The following PKP2 variants were observed in gnomAD, a reference collection of about 807,000 sequenced individuals.
The protein encoded by PKP2 is plakophilin 2.
PKP2 carries 73 observed loss-of-function variants against 83.4 expected under a neutral mutation model. The observed-to-expected ratio is 0.88, with a 90% CI of 0.72 to 1.06. PKP2 has a LOEUF of 1.06. PKP2 is among the 50% of genes least tolerant of loss of function. The pLI, the probability that PKP2 is intolerant of heterozygous loss-of-function variation, is 0.00. For synonymous variants in PKP2, 409 were observed against 430.4 expected, an observed-to-expected ratio of 0.95 and a Z score of 0.62; for missense variants, 966 against 1,065.4, an observed-to-expected ratio of 0.91 and a Z score of 1.30.
At chr12:32,798,705 G>A (rs1456298768) in intron 10 of PKP2, among the ~76,000 whole-genome samples, 1 of 152,086 alleles carries the variant, frequency 6.6e-6, no homozygotes, top group South Asian at 2.1e-4. Flanking sequence ...GGGATAATTG[G>A]CAAGCCACAT....
At chr12:32,808,724 ATGT>A (rs774163643) in intron 9 of PKP2, among the ~76,000 whole-genome samples, 11 of 151,710 alleles carry the variant, frequency 7.3e-5, no homozygotes, top group South Asian at 4.2e-4. Context: ...TTTTTTGTTG[ATGT>A]TGTTGTTGTT....
intron 3 of PKP2, among the ~76,000 whole-genome samples, chr12:32,872,227 G>A (rs1956901298): frequency 6.6e-6 from 1 of 152,026 alleles, no homozygotes; most frequent in African/African-American, 2.4e-5. Flanking sequence ...ACATTACAGG[G>A]GGAGAAAAAA....
At position 32,812,174 on chromosome 12, in the gene PKP2, T is replaced by C. The variant is rs184623310; in HGVS notation, c.2013+9182A>G. Among the ~76,000 whole-genome samples the C allele has an allele frequency of 1.3e-3, 192 of 151,390 alleles. 1 individual carries two copies. The highest frequency in any genetic ancestry group is 2.0e-3 in the Non-Finnish European group (133 of 67,868). The stretch of plus-strand genomic sequence containing the variant: ...GTAAACTGTGTATTGTGTGCCTGCG[T>C]TTTGACTGTGACTCGTCACATAAGG... On this transcript the variant is annotated intron_variant, in intron 9 of 12. Transcript: ENST00000340811.
chr12:32,826,690 C>T (rs1956445402), intron 6 of PKP2, among the ~76,000 whole-genome samples: 1 of 151,986 alleles, frequency 6.6e-6, no homozygotes, highest in Non-Finnish European at 1.5e-5. Flanking sequence ...TTTTACTTAG[C>T]TTTTTTCAAA....
intron 10 of PKP2, among the ~76,000 whole-genome samples, chr12:32,797,445 C>CAA (rs548021913): frequency 8.9e-5 from 6 of 67,182 alleles, no homozygotes; most frequent in African/African-American, 9.7e-5. Context: ...GACCCTGTCT[C>CAA]AAAAAAAAAA....
chr12:32,880,403 A>C (rs1450332917), intron 1 of PKP2, among the ~76,000 whole-genome samples: 4 of 152,204 alleles, frequency 2.6e-5, no homozygotes, highest in Non-Finnish European at 4.4e-5. Flanking sequence ...CCTGTCTCAA[A>C]AAAACAAAAA....
chr12:32,813,383 C>T (rs1451687027), intron 9 of PKP2, among the ~76,000 whole-genome samples: 2 of 152,144 alleles, frequency 1.3e-5, no homozygotes, highest in Non-Finnish European at 2.9e-5. Context: ...TAATGCTAAT[C>T]AACTTACTTT....
At chr12:32,822,694 A>C in intron 7 of PKP2, 63 bp from the exon 8 acceptor site, 1 of 1,546,440 alleles carries the variant, frequency 6.5e-7, no homozygotes, top group South Asian at 1.1e-5. Context: ...GTGTGATATC[A>C]CAGGACACAG....
rs751629644 is a variant in PKP2, at chr12:32,896,601, C to G, written c.131G>C (p.Ser44Thr). 1.3e-6 allele frequency: 2 copies of G among 1,585,330 alleles called. No homozygotes were observed. Among genetic ancestry groups the G allele is most frequent in the African/African-American group, 1.3e-5 (1 of 74,076 alleles). The change falls in exon 1 of 13, where the codon AGC becomes ACC. Residue 44 changes from serine (S) to threonine (T), a missense_variant. Ser to Thr is a moderately conservative substitution (Grantham distance 58, BLOSUM62 1). Transcript: ENST00000340811. ...CTTGACTGTCTGGCCGCCGCGGCCGCTGCTCCCCGCCAGCTTCAGCTTGGC... is the reference window on the plus strand; with the variant it reads ...CTTGACTGTCTGGCCGCCGCGGCCGGTGCTCCCCGCCAGCTTCAGCTTGGC... The part of the protein sequence containing the change: ...SEAKLKLAGS[S>T]GRGGQTVKSL...
chr12:32,861,447 G>A (rs924077521), intron 4 of PKP2, among the ~76,000 whole-genome samples: 1 of 152,098 alleles, frequency 6.6e-6, no homozygotes, highest in African/African-American at 2.4e-5. Context: ...CACTGAGTAA[G>A]ATTAATGGCA....
chr12:32,844,562 T>C (rs1201432673), intron 5 of PKP2, among the ~76,000 whole-genome samples: 1 of 152,092 alleles, frequency 6.6e-6, no homozygotes, highest in Non-Finnish European at 1.5e-5. Context: ...CCAGAACCGA[T>C]GAGTGGAAAT....
In PKP2 at chr12:32,853,297, G is replaced by A. The variant is rs542978533; in HGVS notation, c.1171-2324C>T. Reference sequence around the variant, plus strand: ...TAGGAATGCTCAACCAATGTAATGCGAATATTCCAAAATCTGAAAAACCCT... The same window carrying A: ...TAGGAATGCTCAACCAATGTAATGCAAATATTCCAAAATCTGAAAAACCCT... On this transcript the variant is annotated intron_variant, in intron 4 of 12. Transcript: ENST00000340811. 6.1e-3 allele frequency among the ~76,000 whole-genome samples: 902 copies of A among 146,978 alleles called. 12 individuals carry two copies. Among genetic ancestry groups the A allele is most frequent in the African/African-American group, 0.022 (865 of 40,072 alleles).
At chr12:32,793,486 T>C (rs1171585370) in intron 11 of PKP2, among the ~76,000 whole-genome samples, 1 of 152,066 alleles carries the variant, frequency 6.6e-6, no homozygotes, top group East Asian at 1.9e-4. Flanking sequence ...GAAATTCTTG[T>C]GGCAGCCCTT....
intron 4 of PKP2, among the ~76,000 whole-genome samples, chr12:32,858,551 G>T (rs1956774647): frequency 6.6e-6 from 1 of 151,886 alleles, no homozygotes; most frequent in African/African-American, 2.4e-5. Flanking sequence ...CTAGATGTAG[G>T]GATAGGTCTT....
intron 10 of PKP2, among the ~76,000 whole-genome samples, chr12:32,797,229 C>T (rs1327781947): frequency 6.6e-6 from 1 of 151,852 alleles, no homozygotes; most frequent in Non-Finnish European, 1.5e-5. Flanking sequence ...CACTTAAGGT[C>T]AGGAGTTCAG....
At chr12:32,862,407 G>T (rs1255549173) in intron 4 of PKP2, among the ~76,000 whole-genome samples, 2 of 152,154 alleles carry the variant, frequency 1.3e-5, no homozygotes, top group African/African-American at 4.8e-5. Flanking sequence ...AGCACTTTGG[G>T]AGGCCAAGGC....
chr12:32,854,789 C>T (rs1185841858), intron 4 of PKP2, among the ~76,000 whole-genome samples: 2 of 152,116 alleles, frequency 1.3e-5, no homozygotes, highest in Admixed American at 6.6e-5. Flanking sequence ...TTCTATCTTC[C>T]CTGCCAATTA....
At chr12:32,826,325 A>G (rs1481295123) in intron 6 of PKP2, among the ~76,000 whole-genome samples, 2 of 139,032 alleles carry the variant, frequency 1.4e-5, no homozygotes, top group African/African-American at 2.6e-5. Flanking sequence ...AAAAAAAAAA[A>G]GAACTAAAGG....
At chr12:32,794,514 C>T (rs541487396) in intron 11 of PKP2, among the ~76,000 whole-genome samples, 7 of 152,296 alleles carry the variant, frequency 4.6e-5, no homozygotes, top group Non-Finnish European at 8.8e-5. Context: ...CAAGTGGACA[C>T]TCGGAAATAA....
Sources: allele counts gnomAD v4.1 joint callset (sites outside exome capture counted in the v4.1 genomes callset), GRCh38; gene constraint gnomAD v4.1.1; transcripts MANE v1.5; gene names NCBI Gene and HGNC (gene_info 2026-07-23, HGNC 2026-07-21).